The following MCOLN2 variants were observed in gnomAD, a reference collection of about 807,000 sequenced individuals.
MCOLN2 encodes mucolipin TRP cation channel 2.
A neutral mutation model predicts 67.5 loss-of-function variants in MCOLN2; 57 were observed. The observed-to-expected ratio is 0.84, with a 90% CI of 0.68 to 1.05. MCOLN2 has a LOEUF of 1.05. MCOLN2 is among the 50% of genes least tolerant of loss of function. The pLI is 0.00. For synonymous variants in MCOLN2, 246 were observed against 233.3 expected (o/e 1.05, Z -0.50); for missense variants, 620 against 678.8 (o/e 0.91, Z 0.96).
At chr1:84,939,186 C>T (rs1570956646) in intron 9 of MCOLN2, among the ~76,000 whole-genome samples, 1 of 152,132 alleles carries the variant, frequency 6.6e-6, no homozygotes, top group South Asian at 2.1e-4. Flanking sequence ...CCTGCCCTCA[C>T]CCCATCCGTC....
intron 7 of MCOLN2, among the ~76,000 whole-genome samples, chr1:84,942,205 T>C (rs964939654): frequency 5.0e-4 from 76 of 152,372 alleles, no homozygotes; most frequent in African/African-American, 1.7e-3. Context: ...TATACTTTCA[T>C]GGTTCTTGGT....
At position 84,952,509 on chromosome 1, in the gene MCOLN2, T is replaced by G; in HGVS notation, c.587A>C (p.Gln196Pro). 1 of 1,611,748 alleles carries G rather than the reference T, an allele frequency of 6.2e-7. No homozygotes were observed. The highest frequency in any genetic ancestry group is 8.5e-7 in the Non-Finnish European group (1 of 1,177,842). ...VELDCVQLDLQDLSKKPPDWK... is the reference protein window; with the variant it reads ...VELDCVQLDLPDLSKKPPDWK... ...GTCCGGAGGCTTCTTGGAGAGGTCC[T>G]GAAGGTCTAATTGAACACAATCTAG... The change falls in exon 5 of 14, where the codon CAG becomes CCG. Residue 196 changes from glutamine (Q) to proline (P), a missense_variant. Gln to Pro is a moderately conservative substitution (Grantham distance 76). Coordinates refer to ENST00000370608, the MANE Select transcript of MCOLN2 (RefSeq NM_153259.4).
chr1:84,958,564 C>G lies in MCOLN2; in HGVS notation c.376G>C (p.Asp126His). 1 of 1,605,018 alleles carries G rather than the reference C, an allele frequency of 6.2e-7. No individual in the cohort carries two copies. Among genetic ancestry groups the G allele is most frequent in the Non-Finnish European group, 8.5e-7 (1 of 1,178,262 alleles). ...DYSCSVYTQE[D>H]AYESIFFAIN... The stretch of plus-strand genomic sequence containing the variant: ...GCAAAAAAGATGCTCTCATAGGCAT[C>G]CTCTTGAGTATATACACTGCAGCTG... Residue 126 changes from aspartate (D) to histidine (H), a missense_variant, in exon 3 of 14, where the codon GAT becomes CAT. Coordinates refer to ENST00000370608, the MANE Select transcript of MCOLN2 (RefSeq NM_153259.4).
chr1:84,937,080 T>C (rs1329163325), intron 11 of MCOLN2, among the ~76,000 whole-genome samples: 2 of 152,200 alleles, frequency 1.3e-5, no homozygotes, highest in African/African-American at 2.4e-5. Flanking sequence ...AATAACTCCT[T>C]TTACTTTTTT....
intron 1 of MCOLN2, among the ~76,000 whole-genome samples, chr1:84,982,902 GT>G (rs780953586): frequency 3.3e-5 from 5 of 152,088 alleles, no homozygotes; most frequent in Non-Finnish European, 7.4e-5. Flanking sequence ...ATTTTTAGTA[GT>G]GACAGGGTTT....
intron 6 of MCOLN2, among the ~76,000 whole-genome samples, chr1:84,948,004 G>T (rs1290253891): frequency 1.3e-5 from 2 of 152,228 alleles, no homozygotes; most frequent in Non-Finnish European, 2.9e-5. Context: ...CTGGTGTGCT[G>T]TGCTTGTGCA....
chr1:84,947,601 G>A (rs1648185863), intron 6 of MCOLN2, among the ~76,000 whole-genome samples: 1 of 152,228 alleles, frequency 6.6e-6, no homozygotes, highest in Admixed American at 6.5e-5. Flanking sequence ...CCTTGCTACA[G>A]GAGAGCCCTC....
At chr1:84,950,056 T>TAA (rs1193583994) in intron 6 of MCOLN2, among the ~76,000 whole-genome samples, 1 of 152,222 alleles carries the variant, frequency 6.6e-6, no homozygotes, top group African/African-American at 2.4e-5. Context: ...TGGTGCTATA[T>TAA]AAATCTCTTA....
intron 1 of MCOLN2, among the ~76,000 whole-genome samples, chr1:84,991,594 C>A (rs944773607): frequency 4.6e-5 from 7 of 152,118 alleles, no homozygotes; most frequent in Admixed American, 2.0e-4. Flanking sequence ...CCCTAAGAAG[C>A]CCCCTGAAGA....
chr1:84,934,291 T>C (rs1475115751), intron 11 of MCOLN2, among the ~76,000 whole-genome samples: 2 of 152,180 alleles, frequency 1.3e-5, no homozygotes, highest in African/African-American at 4.8e-5. Flanking sequence ...GCACAGTAGA[T>C]ATTTAATACG....
chr1:84,961,345 TA>T (rs964592169), intron 2 of MCOLN2, among the ~76,000 whole-genome samples: 1 of 152,100 alleles, frequency 6.6e-6, no homozygotes, highest in African/African-American at 2.4e-5. Flanking sequence ...AAAAAAAATG[TA>T]AACTAGGGAA....
intron 1 of MCOLN2, among the ~76,000 whole-genome samples, chr1:84,989,632 A>C (rs767596585): frequency 3.1e-4 from 47 of 152,166 alleles, no homozygotes; most frequent in Non-Finnish European, 5.3e-4. Flanking sequence ...ATAATTTAAC[A>C]TGCCTTTTTA....
At chr1:84,939,990 A>G (rs982052674) in intron 8 of MCOLN2, among the ~76,000 whole-genome samples, 7 of 152,104 alleles carry the variant, frequency 4.6e-5, no homozygotes, top group Non-Finnish European at 7.4e-5. Context: ...TCATATTACC[A>G]ACACATCCAT....
chr1:84,927,482 T>A (rs1002518299), intron 13 of MCOLN2, among the ~76,000 whole-genome samples: 4 of 152,120 alleles, frequency 2.6e-5, no homozygotes, highest in Admixed American at 2.6e-4. Context: ...TTAGGAGAGG[T>A]CACAGGACAC....
chr1:84,995,878 T>C (rs1189443049), intron 1 of MCOLN2, among the ~76,000 whole-genome samples: 1 of 152,172 alleles, frequency 6.6e-6, no homozygotes, highest in African/African-American at 2.4e-5. Context: ...TTTATTAGGA[T>C]TCACTCATTT....
intron 1 of MCOLN2, among the ~76,000 whole-genome samples, chr1:84,977,878 T>C (rs1042560149): frequency 6.6e-6 from 1 of 152,196 alleles, no homozygotes; most frequent in Admixed American, 6.5e-5. Context: ...ATCTGCACTA[T>C]AGACTGCATG....
At chr1:84,969,414 TA>T (rs1649550912) in intron 1 of MCOLN2, among the ~76,000 whole-genome samples, 1 of 151,776 alleles carries the variant, frequency 6.6e-6, no homozygotes, top group Non-Finnish European at 1.5e-5. Context: ...CTATTAAAAA[TA>T]CAAAAATTAG....
intron 8 of MCOLN2, 137 bp downstream of exon 8, chr1:84,940,742 C>T (rs1368277325): frequency 2.3e-5 from 14 of 595,998 alleles, no homozygotes; most frequent in South Asian, 1.5e-4. Flanking sequence ...TGCCTCATAG[C>T]GGGCAACTAC....
intron 4 of MCOLN2, among the ~76,000 whole-genome samples, chr1:84,955,303 G>C (rs1648725838): frequency 6.6e-6 from 1 of 152,160 alleles, no homozygotes; most frequent in Non-Finnish European, 1.5e-5. Context: ...CATGAGAACA[G>C]ACTAATACAG....
Sources: gnomAD v4.1 joint callset for allele counts (sites outside exome capture counted in the v4.1 genomes callset) on GRCh38, gnomAD v4.1.1 for gene constraint, MANE v1.5 for transcripts, NCBI Gene and HGNC (gene_info 2026-07-23, HGNC 2026-07-21) for gene names.